The following ATXN1 variants were observed in gnomAD, a reference collection of about 807,000 sequenced individuals.
ATXN1 encodes the protein ataxin-1.
ATXN1 carries 8 observed loss-of-function variants against 56.4 expected under a neutral mutation model. The observed-to-expected ratio is 0.14, with a 90% CI of 0.08 to 0.26. ATXN1 has a LOEUF of 0.26. ATXN1 is among the 10% of genes least tolerant of loss of function. The pLI is 1.00. For missense variants in ATXN1, 987 were observed against 1,106.5 expected, an observed-to-expected ratio of 0.89 and a Z score of 1.53; for synonymous variants, 514 against 494.6, an observed-to-expected ratio of 1.04 and a Z score of -0.52.
chr6:16,412,491 C>T (rs982995133), intron 6 of ATXN1, among the ~76,000 whole-genome samples: 4 of 152,266 alleles, frequency 2.6e-5, no homozygotes, highest in African/African-American at 9.6e-5. Flanking sequence ...TAAAACTCCA[C>T]CAAGTGACTA....
At chr6:16,307,622 C>T (rs111366085) in intron 7 of ATXN1, among the ~76,000 whole-genome samples, 8,079 of 150,314 alleles carry the variant, frequency 0.054, 371 homozygotes, top group South Asian at 0.16. Context: ...TGCAGCGAGC[C>T]GAGATCGTGC....
intron 6 of ATXN1, among the ~76,000 whole-genome samples, chr6:16,393,052 T>G (rs1165097137): frequency 3.3e-5 from 5 of 152,156 alleles, no homozygotes. Context: ...TTAAGAAGTT[T>G]CAAGACCTTC....
At chr6:16,387,541 G>C (rs75615925) in intron 6 of ATXN1, among the ~76,000 whole-genome samples, 4,148 of 152,232 alleles carry the variant, frequency 0.027, 68 homozygotes, top group Non-Finnish European at 0.041. Context: ...AAAAGGAGTG[G>C]GGCCATTCTG....
At chr6:16,470,342 T>C (rs1314986923) in intron 6 of ATXN1, among the ~76,000 whole-genome samples, 1 of 152,078 alleles carries the variant, frequency 6.6e-6, no homozygotes, top group Non-Finnish European at 1.5e-5. Context: ...AGAGCATTAG[T>C]ATTTTATGGG....
intron 6 of ATXN1, among the ~76,000 whole-genome samples, chr6:16,382,572 A>T (rs1237424082): frequency 6.6e-6 from 1 of 152,210 alleles, no homozygotes; most frequent in Non-Finnish European, 1.5e-5. Context: ...GTGAGAGAAC[A>T]GGAATATTTA....
intron 4 of ATXN1, among the ~76,000 whole-genome samples, chr6:16,543,035 C>G (rs1313243741): frequency 1.3e-5 from 2 of 152,080 alleles, no homozygotes; most frequent in African/African-American, 4.8e-5. Context: ...CTGTATCAAC[C>G]TGGATAAGTT....
chr6:16,702,574 G>A (rs1759309905), intron 2 of ATXN1, among the ~76,000 whole-genome samples: 1 of 152,158 alleles, frequency 6.6e-6, no homozygotes, highest in South Asian at 2.1e-4. Context: ...GAAAATTTTT[G>A]CAATCTACTC....
At chr6:16,581,234 T>C (rs1429913251) in intron 4 of ATXN1, among the ~76,000 whole-genome samples, 1 of 150,102 alleles carries the variant, frequency 6.7e-6, no homozygotes, top group East Asian at 2.0e-4. Context: ...TGCGCGCGTG[T>C]GTGTGTGTGT....
At chr6:16,735,770 C>G (rs988079039) in intron 2 of ATXN1, among the ~76,000 whole-genome samples, 1 of 152,064 alleles carries the variant, frequency 6.6e-6, no homozygotes, top group Non-Finnish European at 1.5e-5. Flanking sequence ...TTGCAGTGAG[C>G]TGAGATCGTG....
intron 2 of ATXN1, among the ~76,000 whole-genome samples, chr6:16,698,349 C>G (rs1252412684): frequency 1.3e-5 from 2 of 152,134 alleles, no homozygotes; most frequent in African/African-American, 4.8e-5. Context: ...CCTGCCCCTC[C>G]CATTCTCACT....
intron 5 of ATXN1, among the ~76,000 whole-genome samples, chr6:16,521,194 A>G (rs1004836318): frequency 2.0e-5 from 3 of 152,230 alleles, no homozygotes; most frequent in African/African-American, 7.2e-5. Flanking sequence ...TCTAACTGAG[A>G]ATCATATTCT....
In ATXN1 at chr6:16,504,742, C is replaced by T. The variant is rs1260867717; in HGVS notation, c.-299+17885G>A. 6.6e-5 allele frequency among the ~76,000 whole-genome samples: 10 copies of T among 152,266 alleles called. 1 individual carries two copies. The East Asian group carries it at 1.9e-3, about 29-fold the overall frequency. On this transcript the variant is annotated intron_variant, in intron 5 of 7. Coordinates refer to ENST00000436367, the MANE Select transcript of ATXN1 (RefSeq NM_001128164.2). ...GCTCCCCACAAAGACCTCTCCACGGCGCTCAGCCTCAGACTCCCCTCATGT... is the reference window on the plus strand; with the variant it reads ...GCTCCCCACAAAGACCTCTCCACGGTGCTCAGCCTCAGACTCCCCTCATGT...
intron 2 of ATXN1, among the ~76,000 whole-genome samples, chr6:16,722,305 G>A (rs1759761348): frequency 6.6e-6 from 1 of 152,056 alleles, no homozygotes; most frequent in Non-Finnish European, 1.5e-5. Context: ...TCAGCAAATG[G>A]GGATGATTAG....
In ATXN1 at chr6:16,322,560, T is replaced by G. The variant is rs140673713; in HGVS notation, c.1917+3834A>C. Among the ~76,000 whole-genome samples the G allele has an allele frequency of 1.9e-3, 286 of 152,312 alleles. 1 individual carries two copies. The highest frequency in any genetic ancestry group is 6.3e-3 in the African/African-American group (261 of 41,576). ...GATTTTGCTTATTAAGCTCAACAAT[T>G]TGCACATTTCTGAATTTCTCTGTGG... is the stretch of plus-strand genomic sequence containing the variant. On this transcript the variant is annotated intron_variant, in intron 7 of 7. Coordinates refer to ENST00000436367, the MANE Select transcript of ATXN1 (RefSeq NM_001128164.2).
intron 6 of ATXN1, among the ~76,000 whole-genome samples, chr6:16,441,189 C>T (rs918048360): frequency 3.3e-5 from 5 of 152,056 alleles, no homozygotes; most frequent in Admixed American, 6.5e-5. Flanking sequence ...CTTCCTTCCA[C>T]GACCAAATCA....
At chr6:16,370,405 G>A (rs1378895224) in intron 6 of ATXN1, among the ~76,000 whole-genome samples, 3 of 152,180 alleles carry the variant, frequency 2.0e-5, no homozygotes, top group Admixed American at 1.3e-4. Context: ...GCAGTGTCGT[G>A]AAAGAAACTG....
intron 4 of ATXN1, among the ~76,000 whole-genome samples, chr6:16,571,978 C>CA (rs927316851): frequency 2.0e-5 from 3 of 151,994 alleles, no homozygotes; most frequent in Non-Finnish European, 2.9e-5. Flanking sequence ...CTAAATTCTA[C>CA]AAAAAAACAT....
intron 2 of ATXN1, among the ~76,000 whole-genome samples, chr6:16,702,293 C>T (rs1432012981): frequency 1.8e-4 from 28 of 152,026 alleles, no homozygotes; most frequent in Non-Finnish European, 5.9e-5. Flanking sequence ...TGTAGAAAGC[C>T]GAAACTGAAC....
At chr6:16,528,201 T>A (rs1009748718) in intron 4 of ATXN1, among the ~76,000 whole-genome samples, 1 of 151,214 alleles carries the variant, frequency 6.6e-6, no homozygotes, top group Admixed American at 6.6e-5. Flanking sequence ...CTCGGGAGGC[T>A]GAGGCAGCAG....
Sources: allele counts gnomAD v4.1 joint callset (sites outside exome capture counted in the v4.1 genomes callset), GRCh38; gene constraint gnomAD v4.1.1; transcripts MANE v1.5; gene names NCBI Gene and HGNC (gene_info 2026-07-23, HGNC 2026-07-21).